Variants in TOR1AIP1 observed in about 807,000 individuals in gnomAD.
TOR1AIP1 encodes the protein torsin 1A interacting protein 1.
A neutral mutation model predicts 63.3 loss-of-function variants in TOR1AIP1; 54 were observed. That is an observed-to-expected ratio of 0.85 (90% CI 0.69 to 1.07). The LOEUF is 1.07. Ranked by LOEUF, TOR1AIP1 falls within the 50% of genes least tolerant of loss-of-function variation. The pLI is 0.00. For synonymous variants in TOR1AIP1, 294 were observed against 273.5 expected, an observed-to-expected ratio of 1.07 and a Z score of -0.74; for missense variants, 736 against 715.0, an observed-to-expected ratio of 1.03 and a Z score of -0.33.
At chr1:179,884,283 T>G (rs16854895) in intron 1 of TOR1AIP1, among the ~76,000 whole-genome samples, 3,155 of 152,312 alleles carry the variant, frequency 0.021, 127 homozygotes, top group African/African-American at 0.072. Flanking sequence ...TACATTGTAT[T>G]GAGTTCCACA....
At chr1:179,890,408 G>A (rs754927388) in intron 3 of TOR1AIP1, among the ~76,000 whole-genome samples, 68 of 151,982 alleles carry the variant, frequency 4.5e-4, no homozygotes, top group Non-Finnish European at 1.5e-4. Context: ...GATTTATTTC[G>A]ATAGATAGTT....
chr1:179,909,788 A>T (rs941430915), intron 8 of TOR1AIP1, among the ~76,000 whole-genome samples: 1 of 151,582 alleles, frequency 6.6e-6, no homozygotes. Context: ...TTTGAGATGA[A>T]GTCTCCCTCT....
chr1:179,883,624 C>A (rs1349908242), intron 1 of TOR1AIP1: 1 of 456,154 alleles, frequency 2.2e-6, no homozygotes, highest in East Asian at 6.9e-5. Context: ...TGTGGTGGTC[C>A]CTGCCAAAAA....
rs774997818 is a variant in TOR1AIP1 at position 179,882,564 on chromosome 1, C to G, written c.62C>G (p.Pro21Arg). Residue 21 changes from proline to arginine, a missense_variant, in exon 1 of 10, where the codon CCC becomes CGC. By Grantham distance (103) the Pro-to-Arg change is moderately radical. This residue lies in a region of TOR1AIP1 where 464 missense variants were observed against 371.0 expected (regional missense o/e 1.25). Coordinates refer to ENST00000606911, the MANE Select transcript of TOR1AIP1 (RefSeq NM_015602.4). ...VREGWGVYVTPRAPIREGRGR... is the reference protein window; with the variant it reads ...VREGWGVYVTRRAPIREGRGR... Reference sequence around the variant, plus strand: ...GAAGGATGGGGTGTGTACGTCACCCCCAGGGCCCCCATCCGAGAGGGAAGG... The same window carrying G: ...GAAGGATGGGGTGTGTACGTCACCCGCAGGGCCCCCATCCGAGAGGGAAGG... 27 of 1,512,216 alleles carry G rather than the reference C, an allele frequency of 1.8e-5. No individual in the cohort carries two copies. Among genetic ancestry groups the G allele is most frequent in the Non-Finnish European group, 2.4e-5 (27 of 1,134,286 alleles). The allele number at this position is 1,512,216 out of a possible 1,614,324, so 93.7% of individuals were successfully genotyped here.
intron 3 of TOR1AIP1, among the ~76,000 whole-genome samples, chr1:179,894,973 G>A (rs935296760): frequency 4.6e-5 from 7 of 152,156 alleles, no homozygotes; most frequent in African/African-American, 1.7e-4. Context: ...TATACCTAAG[G>A]TTTGAATTCC....
chr1:179,884,947 A>G (rs775034300), intron 2 of TOR1AIP1, among the ~76,000 whole-genome samples, 178 bp downstream of exon 2: 1 of 152,244 alleles, frequency 6.6e-6, no homozygotes, highest in Non-Finnish European at 1.5e-5. Flanking sequence ...ATAGAAGAGA[A>G]AACTGAAACA....
At chr1:179,907,593 T>TTATATATATATATATATA (rs55752745) in intron 6 of TOR1AIP1, among the ~76,000 whole-genome samples, 1,007 of 62,588 alleles carry the variant, frequency 0.016, 21 homozygotes, top group Non-Finnish European at 0.025. Flanking sequence ...CACACACACT[T>TTATATATATATATATATA]TATATATATA....
At position 179,908,043 on chromosome 1, in the gene TOR1AIP1, GGA is replaced by G. The variant is rs1342138415; in HGVS notation, c.838+180_838+181del. ...CCTGCCTCCGCCTCCCAAGTAGCTG[GGA>G]CTACAGGCGCCCGCCACCACGCCCG... On this transcript the variant is annotated intron_variant, in intron 7 of 9. Coordinates refer to ENST00000606911, the MANE Select transcript of TOR1AIP1 (RefSeq NM_015602.4). Among the ~76,000 whole-genome samples the G allele has an allele frequency of 2.0e-5, 3 of 150,368 alleles. No individual in the cohort carries two copies. In the Admixed American group the frequency reaches 2.0e-4, roughly 10 times the overall value.
At chr1:179,905,089 T>A (rs1204411394) in intron 6 of TOR1AIP1, among the ~76,000 whole-genome samples, 1 of 152,190 alleles carries the variant, frequency 6.6e-6, no homozygotes, top group Non-Finnish European at 1.5e-5. Flanking sequence ...GAAAAAACTT[T>A]TGGAAGGCCA....
Position 179,913,863 on chromosome 1 carries a change from T to C in TOR1AIP1, c.908-135T>C, listed in dbSNP as rs1286553943. The stretch of plus-strand genomic sequence containing the variant: ...TCTAATCGGCACTCAGATATTCTAC[T>C]TTTTCTTCTGCTTCTGGCTGATCTC... On this transcript the variant is annotated intron_variant, in intron 8 of 9. Transcript: ENST00000606911. 3 of 801,070 alleles carry C rather than the reference T, an allele frequency of 3.7e-6. No individual in the cohort carries two copies. In the African/African-American group the frequency reaches 5.2e-5, roughly 14 times the overall value. The allele number at this position is 801,070 out of a possible 1,614,324, so 49.6% of individuals were successfully genotyped here.
At chr1:179,885,735 AT>A (rs929674018) in intron 2 of TOR1AIP1, among the ~76,000 whole-genome samples, 2 of 151,446 alleles carry the variant, frequency 1.3e-5, no homozygotes, top group African/African-American at 2.4e-5. Flanking sequence ...CTTCATGCTA[AT>A]TTTTTTTTCT....
chr1:179,916,137 T>G (rs2148483452), intron 9 of TOR1AIP1, among the ~76,000 whole-genome samples: 1 of 152,340 alleles, frequency 6.6e-6, no homozygotes, highest in African/African-American at 2.4e-5. Context: ...GAATGTCCCT[T>G]TGTTAAATCT....
intron 1 of TOR1AIP1, 87 bp from the exon 2 acceptor site, chr1:179,884,605 T>C: frequency 8.9e-7 from 1 of 1,127,852 alleles, no homozygotes; most frequent in East Asian, 2.5e-5. Flanking sequence ...TTTTTGCTTA[T>C]GTATTGTTAC....
intron 9 of TOR1AIP1, among the ~76,000 whole-genome samples, chr1:179,915,455 A>C (rs564492526): frequency 6.6e-6 from 1 of 152,312 alleles, no homozygotes; most frequent in South Asian, 2.1e-4. Flanking sequence ...CAATCTCAAG[A>C]CTTTAAAAAA....
intron 3 of TOR1AIP1, among the ~76,000 whole-genome samples, chr1:179,891,085 A>G (rs560613775): frequency 6.6e-6 from 1 of 152,348 alleles, no homozygotes; most frequent in South Asian, 2.1e-4. Context: ...TTTGTTGTCT[A>G]TAATTATGCC....
At chr1:179,884,671 C>CT in intron 1 of TOR1AIP1, 21 bp from the exon 2 acceptor site, 1 of 1,590,852 alleles carries the variant, frequency 6.3e-7, no homozygotes, top group African/African-American at 1.4e-5. Context: ...AATTTTAACT[C>CT]TTGTTATGTC....
At position 179,882,427 on chromosome 1, in the gene TOR1AIP1, C is replaced by G; in HGVS notation, c.-76C>G. On this transcript the variant is annotated 5_prime_UTR_variant, in exon 1 of 10. Transcript: ENST00000606911. Reference sequence around the variant, plus strand: ...GCCACCGCCCAACACCCCCGAGAAGCCATCGCCACCACCGGCAGGAGAACC... The same window carrying G: ...GCCACCGCCCAACACCCCCGAGAAGGCATCGCCACCACCGGCAGGAGAACC... 7.5e-7 allele frequency: 1 copy of G among 1,339,752 alleles called. No individual in the cohort carries two copies. The highest frequency in any genetic ancestry group is 9.7e-7 in the Non-Finnish European group (1 of 1,031,486). 83.0% of individuals were successfully genotyped at this position (1,339,752 alleles called of 1,614,324 possible). A position where few individuals can be genotyped will look rare whatever the true frequency, so the allele number is the denominator to read the frequency against.
At position 179,918,319 on chromosome 1, in the gene TOR1AIP1, C is replaced by G; in HGVS notation, c.*80C>G. ...CTAACCAGAGACAGAATTCAGAGCT[C>G]TTTTTGAAAGAACTAGTTTCTTTTT... is the stretch of plus-strand genomic sequence containing the variant. On this transcript the variant is annotated 3_prime_UTR_variant, in exon 10 of 10. Coordinates refer to ENST00000606911, the MANE Select transcript of TOR1AIP1 (RefSeq NM_015602.4). 3.6e-6 allele frequency: 5 copies of G among 1,377,136 alleles called. No homozygotes were observed. The highest frequency in any genetic ancestry group is 4.9e-6 in the Non-Finnish European group (5 of 1,030,314). The allele number at this position is 1,377,136 out of a possible 1,614,324, so 85.3% of individuals were successfully genotyped here. A position where few individuals can be genotyped will look rare whatever the true frequency, so the allele number is the denominator to read the frequency against.
At chr1:179,883,025 CG>C in intron 1 of TOR1AIP1, 48 bp downstream of exon 1, 3 of 1,547,860 alleles carry the variant, frequency 1.9e-6, no homozygotes, top group Non-Finnish European at 2.6e-6. Context: ...AGGGAACGCG[CG>C]GGGGCGGGCG....
Sources: gnomAD v4.1 joint callset for allele counts (sites outside exome capture counted in the v4.1 genomes callset) on GRCh38, gnomAD v4.1.1 for gene constraint, gnomAD v4.1.1 regional missense constraint, MANE v1.5 for transcripts, NCBI Gene and HGNC (gene_info 2026-07-23, HGNC 2026-07-21) for gene names.